The following CNTNAP2 variants were observed in gnomAD, a reference collection of about 807,000 sequenced individuals.
The protein encoded by CNTNAP2 is contactin-associated protein-like 2.
Under a neutral mutation model 155.2 loss-of-function variants are expected in CNTNAP2, and 98 were observed. The ratio of observed to expected loss-of-function variants is 0.63; its 90% CI spans 0.54 to 0.75. The LOEUF (loss-of-function observed/expected upper bound fraction) is 0.75, where lower values mean the gene tolerates loss of function less well. CNTNAP2 is among the 30% of genes least tolerant of loss of function. CNTNAP2 has a pLI of 0.00. For missense variants in CNTNAP2, 1,727 were observed against 1,688.1 expected (o/e 1.02, Z -0.40); for synonymous variants, 651 against 631.2 (o/e 1.03, Z -0.47).
At chr7:147,125,621 A>C (rs1219294878) in intron 6 of CNTNAP2, among the ~76,000 whole-genome samples, 2 of 152,212 alleles carry the variant, frequency 1.3e-5, no homozygotes, top group Non-Finnish European at 2.9e-5. Flanking sequence ...AAGTAGAGGA[A>C]TGACTCTCTT....
At chr7:147,027,018 CAAAAAAAAGAA>C (rs1443458234) in intron 3 of CNTNAP2, among the ~76,000 whole-genome samples, 1 of 101,438 alleles carries the variant, frequency 9.9e-6, no homozygotes, top group Non-Finnish European at 2.0e-5. Context: ...AAAAAAAAAA[CAAAAAAAAGAA>C]AAAAAAAAAC....
intron 22 of CNTNAP2, among the ~76,000 whole-genome samples, chr7:148,400,364 CT>C (rs2116697848): frequency 6.6e-6 from 1 of 152,308 alleles, no homozygotes; most frequent in Admixed American, 6.5e-5. Flanking sequence ...TTATATTCCC[CT>C]AGATTTGGGG....
intron 8 of CNTNAP2, among the ~76,000 whole-genome samples, chr7:147,165,089 A>G (rs1802090695): frequency 6.6e-6 from 1 of 152,164 alleles, no homozygotes; most frequent in Admixed American, 6.5e-5. Context: ...CCTGATATAG[A>G]TCCCTATTTA....
rs60221349 is a variant in CNTNAP2 at position 147,784,381 on chromosome 7, C to CATATATATAT, written c.2099-119167_2099-119158dup. Among the ~76,000 whole-genome samples the CATATATATAT allele has an allele frequency of 5.3e-3, 530 of 99,226 alleles. 11 individuals carry two copies. The highest frequency in any genetic ancestry group is 0.017 in the African/African-American group (487 of 29,250). 65.1% of individuals were successfully genotyped at this position (99,226 alleles called of 152,430 possible). The stretch of plus-strand genomic sequence containing the variant: ...TTCATAGCCCTCTACAAACTAAAAA[C>CATATATATAT]ATATATATATATATATATATATATA... On this transcript the variant is annotated intron_variant, in intron 13 of 23. Coordinates refer to ENST00000361727, the MANE Select transcript of CNTNAP2 (RefSeq NM_014141.6).
At chr7:148,295,434 A>G (rs543524016) in intron 21 of CNTNAP2, among the ~76,000 whole-genome samples, 10 of 152,284 alleles carry the variant, frequency 6.6e-5, no homozygotes, top group African/African-American at 2.4e-4. Flanking sequence ...ATTTTTGACT[A>G]CTAATATGGT....
At chr7:147,043,719 G>A (rs1304038087) in intron 3 of CNTNAP2, among the ~76,000 whole-genome samples, 188 bp from the exon 4 acceptor site, 2 of 152,166 alleles carry the variant, frequency 1.3e-5, no homozygotes, top group Non-Finnish European at 2.9e-5. Flanking sequence ...AATCTGACCT[G>A]TTTTCCACTT....
intron 1 of CNTNAP2, among the ~76,000 whole-genome samples, chr7:146,484,309 T>G (rs1008400557): frequency 5.3e-5 from 8 of 152,206 alleles, no homozygotes; most frequent in African/African-American, 1.9e-4. Context: ...AAGTGACACA[T>G]GACCGCAGTC....
chr7:147,286,197 T>C (rs571652708), intron 8 of CNTNAP2, among the ~76,000 whole-genome samples: 1 of 152,190 alleles, frequency 6.6e-6, no homozygotes, highest in African/African-American at 2.4e-5. Flanking sequence ...CCAAGGATGA[T>C]TTTGTGCCTT....
At chr7:147,987,517 A>C (rs1279289940) in intron 15 of CNTNAP2, among the ~76,000 whole-genome samples, 1 of 152,184 alleles carries the variant, frequency 6.6e-6, no homozygotes, top group Non-Finnish European at 1.5e-5. Context: ...TTGGTTCTGC[A>C]GGTCTGTGTT....
At chr7:148,054,096 C>T (rs992750023) in intron 15 of CNTNAP2, among the ~76,000 whole-genome samples, 2 of 151,912 alleles carry the variant, frequency 1.3e-5, no homozygotes, top group African/African-American at 4.8e-5. Flanking sequence ...CCTCAGCCTC[C>T]AGAGTAGCTG....
At chr7:148,199,346 G>A (rs759137720) in intron 18 of CNTNAP2, among the ~76,000 whole-genome samples, 10 of 152,148 alleles carry the variant, frequency 6.6e-5, no homozygotes, top group Non-Finnish European at 1.5e-4. Context: ...TTTCAAGCAG[G>A]CTTATATTGT....
At chr7:147,599,826 C>T (rs1290737697) in intron 12 of CNTNAP2, among the ~76,000 whole-genome samples, 2 of 152,180 alleles carry the variant, frequency 1.3e-5, no homozygotes, top group Non-Finnish European at 2.9e-5. Context: ...AATTTGATTA[C>T]ATCTGCAAAG....
intron 8 of CNTNAP2, among the ~76,000 whole-genome samples, chr7:147,271,073 T>A (rs984773829): frequency 6.6e-6 from 1 of 152,178 alleles, no homozygotes; most frequent in Non-Finnish European, 1.5e-5. Context: ...ACACTTTGGG[T>A]AACGTTATTG....
intron 12 of CNTNAP2, among the ~76,000 whole-genome samples, chr7:147,567,669 C>T (rs1584819574): frequency 6.6e-6 from 1 of 152,084 alleles, no homozygotes; most frequent in East Asian, 1.9e-4. Context: ...CACAGAGGAG[C>T]AGAGGAAAAC....
At chr7:146,690,280 A>G (rs1351686093) in intron 1 of CNTNAP2, among the ~76,000 whole-genome samples, 1 of 152,180 alleles carries the variant, frequency 6.6e-6, no homozygotes, top group Admixed American at 6.6e-5. Flanking sequence ...CATAAAGAGG[A>G]GACATACGTC....
At chr7:148,259,209 A>AAAG (rs1796511635) in intron 20 of CNTNAP2, among the ~76,000 whole-genome samples, 2 of 137,092 alleles carry the variant, frequency 1.5e-5, no homozygotes, top group Non-Finnish European at 1.6e-5. Context: ...AAAAAAAAAA[A>AAAG]GCCAGGCATG....
At chr7:147,112,894 G>A (rs1430311677) in intron 5 of CNTNAP2, among the ~76,000 whole-genome samples, 4 of 152,070 alleles carry the variant, frequency 2.6e-5, no homozygotes, top group African/African-American at 7.2e-5. Context: ...GATGATGCTG[G>A]CCTCATAGAG....
chr7:148,150,496 C>T (rs994696775), intron 17 of CNTNAP2, among the ~76,000 whole-genome samples: 1 of 151,802 alleles, frequency 6.6e-6, no homozygotes, highest in African/African-American at 2.4e-5. Context: ...TGCAGTGAGC[C>T]GAGATCGCGC....
At chr7:146,367,542 G>A (rs1326360115) in intron 1 of CNTNAP2, among the ~76,000 whole-genome samples, 1 of 151,856 alleles carries the variant, frequency 6.6e-6, no homozygotes, top group East Asian at 1.9e-4. Context: ...CAAATAATGG[G>A]GATAAAACAA....
Sources: allele counts gnomAD v4.1 joint callset (sites outside exome capture counted in the v4.1 genomes callset), GRCh38; gene constraint gnomAD v4.1.1; transcripts MANE v1.5; gene names NCBI Gene and HGNC (gene_info 2026-07-23, HGNC 2026-07-21).